XYLT2: variants seen among roughly 807,000 people sequenced by gnomAD.
XYLT2 encodes UDP-D-xylose:proteoglycan core protein beta-D-xylosyltransferase.
XYLT2 carries 37 observed loss-of-function variants against 82.6 expected under a neutral mutation model. The ratio of observed to expected loss-of-function variants is 0.45; its 90% CI spans 0.34 to 0.59. The LOEUF (loss-of-function observed/expected upper bound fraction) is 0.59. XYLT2 is among the 20% of genes least tolerant of loss of function. The pLI is 0.01. For missense variants in XYLT2, 934 were observed against 1,181.3 expected (o/e 0.79, Z 3.07); for synonymous variants, 474 against 499.0 (o/e 0.95, Z 0.67).
At position 50,357,153 on chromosome 17, in the gene XYLT2, C is replaced by G. The variant is rs1598352262; in HGVS notation, c.1842C>G (p.Ala614=). ...TGACGCAGGCGGTGCAGCCCTCAGC[C>G]CAGGGGCCGGCAGAGACGCTTGAGA... ...YLVTQAVQPS[A]QGPAETLEMW... Residue 614 remains alanine, a synonymous_variant, in exon 9 of 11, where the codon GCC becomes GCG. Transcript: ENST00000017003. 6.2e-7 allele frequency: 1 copy of G among 1,613,596 alleles called. No individual in the cohort carries two copies. The highest frequency in any genetic ancestry group is 8.5e-7 in the Non-Finnish European group (1 of 1,179,964).
intron 1 of XYLT2, among the ~76,000 whole-genome samples, chr17:50,350,363 C>T (rs1358395998): frequency 9.6e-6 from 1 of 104,354 alleles, no homozygotes; most frequent in Non-Finnish European, 2.1e-5. Flanking sequence ...GTCAGGAGTT[C>T]GAGACCAGCC....
chr17:50,358,392 T>C lies in XYLT2; in HGVS notation c.2127T>C (p.Thr709=), dbSNP rs747307119. ...TSYDITVDTE[T]EVTQYKPPLS... ...ATGACATCACAGTAGATACGGAGACTGAGGTCACGCAATACAAGCCCCCAC... is the reference window on the plus strand; with the variant it reads ...ATGACATCACAGTAGATACGGAGACCGAGGTCACGCAATACAAGCCCCCAC... The change falls in exon 10 of 11, where the codon ACT becomes ACC. Residue 709 remains threonine, a synonymous_variant. Transcript: ENST00000017003. 1.2e-5 allele frequency: 19 copies of C among 1,614,130 alleles called. No homozygotes were observed. The highest frequency in any genetic ancestry group is 1.7e-5 in the Admixed American group (1 of 60,030).
intron 1 of XYLT2, among the ~76,000 whole-genome samples, chr17:50,348,927 G>A (rs548415475): frequency 3.3e-4 from 51 of 152,334 alleles, no homozygotes; most frequent in Middle Eastern, 3.4e-3. Flanking sequence ...GGCTGGGGCT[G>A]TGATGACGAT....
Position 50,353,611 on chromosome 17 carries a change from G to A in XYLT2, c.136-19G>A. ...AGGTGAGGGTCTGCCCCAGTGATGT[G>A]TCTGCATCTCTCTTACAGAAAGGAA... On this transcript the variant is annotated intron_variant, in intron 1 of 10. Transcript: ENST00000017003. 7 of 1,554,910 alleles carry A rather than the reference G, an allele frequency of 4.5e-6. No homozygotes were observed. The highest frequency in any genetic ancestry group is 6.1e-6 in the Non-Finnish European group (7 of 1,149,520).
In XYLT2 at chr17:50,353,814, G is replaced by A. The variant is rs761254841; in HGVS notation, c.320G>A (p.Arg107Gln). The A allele has an allele frequency of 1.1e-5, 17 of 1,575,852 alleles. No homozygotes were observed. Among genetic ancestry groups the A allele is most frequent in the Middle Eastern group, 1.7e-4 (1 of 5,960 alleles). ...GTAACCAGCCGGCAGAGAGCCAGCC[G>A]GCGGGTCCCACCTGCCCCACCCCCG... ...RAVTSRQRAS[R>Q]RVPPAPPPEA... The change falls in exon 2 of 11, where the codon CGG (arginine) becomes CAG (glutamine). Residue 107 changes from arginine to glutamine, a missense_variant. By Grantham distance (43) the Arg-to-Gln change is conservative. Around this residue, in one of 3 missense-constraint regions of XYLT2, gnomAD observed 371 missense variants for 394.9 expected, o/e 0.94. Transcript: ENST00000017003.
At chr17:50,356,441 G>A (rs1335827771) in intron 7 of XYLT2, 70 bp from the exon 8 acceptor site, 83 of 1,582,274 alleles carry the variant, frequency 5.2e-5, no homozygotes, top group Non-Finnish European at 6.9e-5. Flanking sequence ...AGGCAGTGCT[G>A]AGGGGCCAGC....
At chr17:50,357,007 C>T (rs757581998) in intron 8 of XYLT2, 50 bp from the exon 9 acceptor site, 1 of 1,542,114 alleles carries the variant, frequency 6.5e-7, no homozygotes, top group Non-Finnish European at 8.8e-7. Context: ...GACTCCAGGC[C>T]AAGTCAGGTG....
At chr17:50,349,200 G>A (rs1332248161) in intron 1 of XYLT2, among the ~76,000 whole-genome samples, 1 of 152,238 alleles carries the variant, frequency 6.6e-6, no homozygotes, top group Non-Finnish European at 1.5e-5. Context: ...TCCACTCGGA[G>A]AGCCTACAGC....
rs1210911054 is a variant in XYLT2, at chr17:50,358,354, G to A, written c.2089G>A (p.Val697Met). Residue 697 changes from valine (V) to methionine (M), a missense_variant, in exon 10 of 11, where the codon GTG becomes ATG. Transcript: ENST00000017003. ...TVVWIDPTYVVATSYDITVDT... is the reference protein window; with the variant it reads ...TVVWIDPTYVMATSYDITVDT... ...GGTCTGGATCGACCCAACCTATGTGGTGGCCACATCTTATGACATCACAGT... is the reference window on the plus strand; with the variant it reads ...GGTCTGGATCGACCCAACCTATGTGATGGCCACATCTTATGACATCACAGT... 9 of 1,614,084 alleles carry A rather than the reference G, an allele frequency of 5.6e-6. No individual in the cohort carries two copies. The highest frequency in any genetic ancestry group is 6.8e-6 in the Non-Finnish European group (8 of 1,180,042).
intron 10 of XYLT2, chr17:50,358,829 A>G: frequency 6.0e-6 from 2 of 334,512 alleles, no homozygotes. Flanking sequence ...CCTCAGTCTT[A>G]GCACGTGAAG....
At chr17:50,357,371 G>T in intron 9 of XYLT2, 119 bp downstream of exon 9, 2 of 1,032,476 alleles carry the variant, frequency 1.9e-6, no homozygotes, top group Non-Finnish European at 2.7e-6. Flanking sequence ...GGCAGCCATG[G>T]TGATGCCCCC....
chr17:50,358,023 C>T (rs542357111), intron 9 of XYLT2, 184 bp from the exon 10 acceptor site: 23 of 611,100 alleles, frequency 3.8e-5, no homozygotes, highest in Admixed American at 8.9e-5. Context: ...AAGCCTAGAA[C>T]GAATCTCAGA....
At chr17:50,356,394 C>T (rs1307117161) in intron 7 of XYLT2, 117 bp from the exon 8 acceptor site, 2 of 1,547,302 alleles carry the variant, frequency 1.3e-6, no homozygotes, top group South Asian at 1.2e-5. Flanking sequence ...TCTGGGGCTA[C>T]AACAGCAGCA....
chr17:50,355,129 T>C (rs1326971206), intron 4 of XYLT2, 73 bp downstream of exon 4: 1 of 1,448,252 alleles, frequency 6.9e-7, no homozygotes, highest in African/African-American at 1.4e-5. Context: ...TGGAGGGCTT[T>C]GGTGGACCTT....
chr17:50,355,354 TG>T, intron 4 of XYLT2, 146 bp from the exon 5 acceptor site: 1 of 867,684 alleles, frequency 1.2e-6, no homozygotes, highest in Non-Finnish European at 1.8e-6. Flanking sequence ...CAGGGGCCTC[TG>T]GTGCTCACCA....
At position 50,360,964 on chromosome 17, in the gene XYLT2, G is replaced by A. The variant is rs1912783552; in HGVS notation, c.*673G>A. 1.0e-6 allele frequency: 1 copy of A among 985,810 alleles called. No homozygotes were observed. Among genetic ancestry groups the A allele is most frequent in the South Asian group, 4.7e-5 (1 of 21,286 alleles). 61.1% of individuals were successfully genotyped at this position (985,810 alleles called of 1,614,324 possible). On this transcript the variant is annotated 3_prime_UTR_variant, in exon 11 of 11. Transcript: ENST00000017003. ...TTCCAGCATACCCTGCCCCTGGATGGGAAAGGCAGGGTCAGGGCCCACTGA... is the reference window on the plus strand; with the variant it reads ...TTCCAGCATACCCTGCCCCTGGATGAGAAAGGCAGGGTCAGGGCCCACTGA...
At chr17:50,352,876 C>A (rs987798100) in intron 1 of XYLT2, among the ~76,000 whole-genome samples, 1 of 152,138 alleles carries the variant, frequency 6.6e-6, no homozygotes, top group Non-Finnish European at 1.5e-5. Flanking sequence ...GTACATGTGC[C>A]GGAGTTTTCC....
At position 50,358,293 on chromosome 17, in the gene XYLT2, G is replaced by C; in HGVS notation, c.2028G>C (p.Gln676His). ...CGCTGGACGAGCCTGTGGCCGTGCA[G>C]CGCTGGGCCCGGGGCCCCAACCTCA... ...LGPLDEPVAV[Q>H]RWARGPNLTA... Residue 676 changes from glutamine (Q) to histidine (H), a missense_variant, in exon 10 of 11, where the codon CAG becomes CAC. This residue lies in a region of XYLT2 where 374 missense variants were observed against 465.6 expected (regional missense o/e 0.80). Coordinates refer to ENST00000017003, the MANE Select transcript of XYLT2 (RefSeq NM_022167.4). The C allele has an allele frequency of 6.2e-7, 1 of 1,613,786 alleles. No individual in the cohort carries two copies. The highest frequency in any genetic ancestry group is 8.5e-7 in the Non-Finnish European group (1 of 1,180,052).
At chr17:50,349,656 G>A (rs919050287) in intron 1 of XYLT2, among the ~76,000 whole-genome samples, 4 of 152,196 alleles carry the variant, frequency 2.6e-5, no homozygotes, top group African/African-American at 9.7e-5. Context: ...GTAGGCATGG[G>A]GCTCTGGCCT....
Sources: gnomAD v4.1 joint callset for allele counts (sites outside exome capture counted in the v4.1 genomes callset) on GRCh38, gnomAD v4.1.1 for gene constraint, gnomAD v4.1.1 regional missense constraint, MANE v1.5 for transcripts, NCBI Gene and HGNC (gene_info 2026-07-23, HGNC 2026-07-21) for gene names.